The following SCGN variants were observed in gnomAD, a reference collection of about 807,000 sequenced individuals.
SCGN encodes the protein secretagogin.
SCGN carries 30 observed loss-of-function variants against 39.7 expected under a neutral mutation model. That is an observed-to-expected ratio of 0.76 (90% CI 0.57 to 1.03). SCGN has a LOEUF of 1.03. SCGN is among the 50% of genes least tolerant of loss of function. The probability of loss-of-function intolerance (pLI) is 0.00; values close to 1 mark genes in which losing one functional copy is unlikely to be tolerated. For synonymous variants in SCGN, 106 were observed against 114.1 expected (o/e 0.93, Z 0.45); for missense variants, 353 against 349.4 (o/e 1.01, Z -0.08).
intron 6 of SCGN, among the ~76,000 whole-genome samples, chr6:25,681,461 C>T (rs368799650): frequency 8.5e-5 from 13 of 152,314 alleles, no homozygotes; most frequent in African/African-American, 2.6e-4. Flanking sequence ...CTGTGGTAGT[C>T]GTTGCTGCTA....
At chr6:25,652,704 C>A (rs986587077) in intron 1 of SCGN, among the ~76,000 whole-genome samples, 1 of 152,048 alleles carries the variant, frequency 6.6e-6, no homozygotes, top group Non-Finnish European at 1.5e-5. Context: ...TCCACTTTCC[C>A]CTTTCCAATC....
At position 25,652,269 on chromosome 6, in the gene SCGN, C is replaced by G; in HGVS notation, c.-135C>G. The G allele has an allele frequency of 1.4e-6, 1 of 726,030 alleles. No homozygotes were observed. The allele number at this position is 726,030 out of a possible 1,614,324, so 45.0% of individuals were successfully genotyped here. A position where few individuals can be genotyped will look rare whatever the true frequency, so the allele number is the denominator to read the frequency against. On this transcript the variant is annotated 5_prime_UTR_variant, in exon 1 of 11. Transcript: ENST00000377961. ...CCACGGCCAGCAGCGCTCGCGTCCT[C>G]CCCAGCAACAGTTACTCAAAGCTAA... is the stretch of plus-strand genomic sequence containing the variant.
intron 6 of SCGN, chr6:25,678,938 T>C (rs144524093): frequency 3.9e-5 from 6 of 152,620 alleles, no homozygotes; most frequent in Admixed American, 1.3e-4. Flanking sequence ...CCAAGATATA[T>C]TGAAAACTCT....
intron 2 of SCGN, among the ~76,000 whole-genome samples, chr6:25,658,002 CCTTTTTTTTTTTTTTTTTTTTTTTTTTTT>C (rs1168222843): frequency 0.024 from 1,153 of 47,622 alleles, 132 homozygotes; most frequent in Middle Eastern, 0.051. Context: ...AGAAAGGTAT[CCTTTTTTTTTTTTTTTTTTTTTTTTTTTT>C]TTTTTTTTTT....
In SCGN at chr6:25,701,585, TC is replaced by T; in HGVS notation, c.*254del. 3.0e-6 allele frequency: 1 copy of T among 331,288 alleles called. No individual in the cohort carries two copies. Among genetic ancestry groups the T allele is most frequent in the Non-Finnish European group, 5.4e-6 (1 of 184,664 alleles). The allele number at this position is 331,288 out of a possible 1,614,324, so 20.5% of individuals were successfully genotyped here. ...TTTCCTATCCTCCCAAAGACTCAGC[TC>T]CCCTGTTAGATGGCTCTGCCTGTCC... On this transcript the variant is annotated 3_prime_UTR_variant, in exon 11 of 11. Transcript: ENST00000377961.
At chr6:25,661,951 CTATT>C (rs1760346042) in intron 3 of SCGN, among the ~76,000 whole-genome samples, 1 of 152,146 alleles carries the variant, frequency 6.6e-6, no homozygotes, top group South Asian at 2.1e-4. Context: ...ACTTGATCTA[CTATT>C]TGTCTCTTTA....
rs773695678 is a variant in SCGN at position 25,653,422 on chromosome 6, T to C, written c.123T>C (p.Phe41=). ...AAGAGAAGGAACTCGATGCTTTCTT[T>C]CTCCACATGTTGATGAAACTGGGTA... The part of the protein sequence containing the change: ...YIEEKELDAF[F]LHMLMKLGTD... The change falls in exon 2 of 11, where the codon TTT becomes TTC. Residue 41 remains phenylalanine (F), a synonymous_variant. Transcript: ENST00000377961. The C allele has an allele frequency of 1.2e-6, 2 of 1,613,238 alleles. No individual in the cohort carries two copies. Among genetic ancestry groups the C allele is most frequent in the African/African-American group, 2.7e-5 (2 of 74,910 alleles).
intron 2 of SCGN, among the ~76,000 whole-genome samples, chr6:25,658,357 T>A (rs1760265606): frequency 6.6e-6 from 1 of 151,894 alleles, no homozygotes; most frequent in Admixed American, 6.6e-5. Flanking sequence ...TTTTTTTTTT[T>A]AACTAGACCC....
intron 4 of SCGN, among the ~76,000 whole-genome samples, chr6:25,665,326 G>A (rs540594948): frequency 6.6e-6 from 1 of 152,184 alleles, no homozygotes; most frequent in Admixed American, 6.5e-5. Context: ...GAGGGGAGGT[G>A]GGGGACTATG....
intron 2 of SCGN, among the ~76,000 whole-genome samples, chr6:25,660,070 A>G (rs1390610364): frequency 6.6e-6 from 1 of 152,244 alleles, no homozygotes; most frequent in African/African-American, 2.4e-5. Flanking sequence ...GCAGGCCAGC[A>G]AGGAAGCCAG....
chr6:25,670,838 G>C (rs560565200), intron 6 of SCGN, among the ~76,000 whole-genome samples: 1 of 152,214 alleles, frequency 6.6e-6, no homozygotes, highest in Non-Finnish European at 1.5e-5. Flanking sequence ...CACCTAACTC[G>C]ATGCATTTCT....
intron 9 of SCGN, among the ~76,000 whole-genome samples, chr6:25,690,122 C>T (rs919009281): frequency 1.3e-5 from 2 of 152,138 alleles, no homozygotes; most frequent in African/African-American, 4.8e-5. Flanking sequence ...ATGTTCTGAG[C>T]AGAAAACAGT....
At chr6:25,656,675 G>C (rs888590398) in intron 2 of SCGN, among the ~76,000 whole-genome samples, 1 of 152,166 alleles carries the variant, frequency 6.6e-6, no homozygotes, top group Non-Finnish European at 1.5e-5. Context: ...GATAAGGACT[G>C]ATGGGAAATT....
intron 2 of SCGN, among the ~76,000 whole-genome samples, chr6:25,654,926 C>T (rs1423953090): frequency 1.6e-4 from 24 of 152,156 alleles, no homozygotes; most frequent in Admixed American, 1.6e-3. Context: ...CTTTATCCTT[C>T]ATTCTTGTAC....
chr6:25,699,075 G>A (rs1759872932), intron 10 of SCGN, among the ~76,000 whole-genome samples: 1 of 152,116 alleles, frequency 6.6e-6, no homozygotes, highest in African/African-American at 2.4e-5. Context: ...TTGGGGCAGG[G>A]TTGGGTAATG....
At chr6:25,664,915 C>G (rs371929099) in intron 3 of SCGN, 28 bp from the exon 4 acceptor site, 294 of 1,575,556 alleles carry the variant, frequency 1.9e-4, no homozygotes, top group South Asian at 5.5e-4. Context: ...GCCAGTGTCC[C>G]TGACTGTTAT....
In SCGN at chr6:25,684,922, CAATAGACTTTAA is replaced by C. The variant is rs145426720; in HGVS notation, c.527+2923_527+2934del. Reference sequence around the variant, plus strand: ...TGCAGATCTAATTAAGTTTGCTAATCAATAGACTTTAAAATAGAGATTATTCTGGATTATCCA... The same window carrying C: ...TGCAGATCTAATTAAGTTTGCTAATCAATAGAGATTATTCTGGATTATCCA... On this transcript the variant is annotated intron_variant, in intron 7 of 10. Transcript: ENST00000377961. Among the ~76,000 whole-genome samples the C allele has an allele frequency of 4.4e-3, 671 of 152,244 alleles. 4 individuals carry two copies. The highest frequency in any genetic ancestry group is 0.015 in the African/African-American group (616 of 41,558).
In SCGN at chr6:25,665,018, G is replaced by A. The variant is rs182880487; in HGVS notation, c.322G>A (p.Val108Met). Residue 108 changes from valine (V) to methionine (M), a missense_variant, in exon 4 of 11, where the codon GTG becomes ATG. Physicochemically the swap from Val to Met is conservative, Grantham distance 21 (BLOSUM62 1). Transcript: ENST00000377961. ...CCGGGAAAACCCACTGGACAGCAGC[G>A]TGGAGTTTATGCAGGTGAGTGCTTG... ...FRRENPLDSS[V>M]EFMQIWRKYD... 8.1e-6 allele frequency: 13 copies of A among 1,613,630 alleles called. No individual in the cohort carries two copies. The East Asian group carries it at 8.9e-5, about 11-fold the overall frequency.
At chr6:25,676,462 C>T (rs1188743760) in intron 6 of SCGN, among the ~76,000 whole-genome samples, 1 of 152,230 alleles carries the variant, frequency 6.6e-6, no homozygotes, top group Non-Finnish European at 1.5e-5. Context: ...CACACTATTA[C>T]CTGACATACT....
Sources: gnomAD v4.1 joint callset for allele counts (sites outside exome capture counted in the v4.1 genomes callset) on GRCh38, gnomAD v4.1.1 for gene constraint, MANE v1.5 for transcripts, NCBI Gene and HGNC (gene_info 2026-07-23, HGNC 2026-07-21) for gene names.